The following GRAMD2A variants were observed in gnomAD, a reference collection of about 807,000 sequenced individuals.
GRAMD2A encodes the protein GRAM domain containing 2A.
GRAMD2A carries 37 observed loss-of-function variants against 51.1 expected under a neutral mutation model. The ratio of observed to expected loss-of-function variants is 0.72; its 90% confidence interval spans 0.56 to 0.95. GRAMD2A has a LOEUF of 0.95. Among genes scored for constraint, GRAMD2A ranks in the 40% least tolerant of loss-of-function variants. GRAMD2A has a pLI of 0.00. For missense variants in GRAMD2A, 414 were observed against 426.9 expected (o/e 0.97, Z 0.27); for synonymous variants, 136 against 157.1 (o/e 0.87, Z 1.01).
intron 1 of GRAMD2A, among the ~76,000 whole-genome samples, chr15:72,183,351 C>T (rs903493580): frequency 7.2e-5 from 11 of 151,836 alleles, no homozygotes; most frequent in Non-Finnish European, 2.9e-5. Flanking sequence ...CCCATCTCTA[C>T]TAAAAATACA....
rs572518320 is a variant in GRAMD2A at position 72,165,262 on chromosome 15, T to G, written c.600+92A>C. ...TGACTCTTGAGCCTGGTGCCCCAGT[T>G]CTGCATTGTGGGCCCCCCTAGGAGG... On this transcript the variant is annotated intron_variant, in intron 8 of 11. Transcript: ENST00000309731. The G allele has an allele frequency of 8.7e-5, 100 of 1,143,342 alleles. 1 individual carries two copies. In the East Asian group the frequency reaches 2.1e-3, roughly 24 times the overall value. 70.8% of individuals were successfully genotyped at this position (1,143,342 alleles called of 1,614,324 possible).
At chr15:72,177,999 A>C (rs1262776778) in intron 1 of GRAMD2A, among the ~76,000 whole-genome samples, 2 of 152,210 alleles carry the variant, frequency 1.3e-5, no homozygotes, top group Non-Finnish European at 2.9e-5. Context: ...AAGTGCTGGG[A>C]TTATAGGCGT....
At chr15:72,182,210 CA>C (rs1361989597) in intron 1 of GRAMD2A, among the ~76,000 whole-genome samples, 1 of 151,622 alleles carries the variant, frequency 6.6e-6, no homozygotes, top group Non-Finnish European at 1.5e-5. Context: ...ACTAAAAATA[CA>C]AAAATCAGCT....
chr15:72,175,882 GC>G (rs2081648943), intron 1 of GRAMD2A: 3 of 152,576 alleles, frequency 2.0e-5, no homozygotes, highest in Admixed American at 1.3e-4. Flanking sequence ...AAAGGGAGAA[GC>G]AGAGGAAAAA....
At chr15:72,190,595 G>A (rs1288093634) in intron 1 of GRAMD2A, among the ~76,000 whole-genome samples, 1 of 152,060 alleles carries the variant, frequency 6.6e-6, no homozygotes, top group African/African-American at 2.4e-5. Flanking sequence ...TTTTCACATG[G>A]GGACACTTGG....
At position 72,161,767 on chromosome 15, in the gene GRAMD2A, C is replaced by CA. The variant is rs1424394679; in HGVS notation, c.*241dup. The CA allele has an allele frequency of 1.7e-5, 9 of 523,620 alleles. No homozygotes were observed. The highest frequency in any genetic ancestry group is 3.1e-5 in the Non-Finnish European group (9 of 287,798). 32.4% of individuals were successfully genotyped at this position (523,620 alleles called of 1,614,324 possible). ...GTGTACAGAATTCCTCAGTTGGTTC[C>CA]AAAAAATCTGGCTTTTTGCTTGAGT... On this transcript the variant is annotated 3_prime_UTR_variant, in exon 12 of 12. Transcript: ENST00000309731.
In GRAMD2A at chr15:72,172,985, G is replaced by A. The variant is rs1397240352; in HGVS notation, c.42-3046C>T. Reference sequence around the variant, plus strand: ...CGTGGGCCTGGCAGTGAATCCATGGGGCCGCCAGGGAAAAATTCTGTGGGC... The same window carrying A: ...CGTGGGCCTGGCAGTGAATCCATGGAGCCGCCAGGGAAAAATTCTGTGGGC... On this transcript the variant is annotated intron_variant, in intron 1 of 11. Coordinates refer to ENST00000309731, the MANE Select transcript of GRAMD2A (RefSeq NM_001012642.3). Among the ~76,000 whole-genome samples the A allele has an allele frequency of 2.0e-5, 3 of 152,136 alleles. No homozygotes were observed. The East Asian group carries it at 5.8e-4, about 29-fold the overall frequency.
intron 1 of GRAMD2A, among the ~76,000 whole-genome samples, chr15:72,173,073 T>C (rs28620410): frequency 3.7e-4 from 57 of 152,142 alleles, no homozygotes; most frequent in African/African-American, 1.3e-3. Flanking sequence ...GGGATGACAA[T>C]GGGAAGGAGC....
chr15:72,186,819 T>C (rs2081737278), intron 1 of GRAMD2A, among the ~76,000 whole-genome samples: 1 of 151,964 alleles, frequency 6.6e-6, no homozygotes. Context: ...TATGTGCTAA[T>C]ATGGAAAAAA....
At position 72,170,046 on chromosome 15, in the gene GRAMD2A, G is replaced by T. The variant is rs2081593895; in HGVS notation, c.42-107C>A. The stretch of plus-strand genomic sequence containing the variant: ...TGCCTCTGGCCCCCACCCAAGACTG[G>T]CCCTGATATTGAGGGTGACACTGAA... On this transcript the variant is annotated intron_variant, in intron 1 of 11. Transcript: ENST00000309731. This position sits in a 1 kb window ranked among gnomAD's most constrained non-coding sequence, Gnocchi z 4.5. The T allele has an allele frequency of 1.2e-6, 1 of 816,204 alleles. No individual in the cohort carries two copies. The highest frequency in any genetic ancestry group is 2.2e-6 in the Non-Finnish European group (1 of 457,212). 50.6% of individuals were successfully genotyped at this position (816,204 alleles called of 1,614,324 possible).
chr15:72,187,244 A>G (rs559712247), intron 1 of GRAMD2A, among the ~76,000 whole-genome samples: 1 of 152,116 alleles, frequency 6.6e-6, no homozygotes, highest in African/African-American at 2.4e-5. Flanking sequence ...TTAAGGGTAT[A>G]TATCAATCAT....
chr15:72,178,004 A>G (rs776012388), intron 1 of GRAMD2A, among the ~76,000 whole-genome samples: 31 of 152,206 alleles, frequency 2.0e-4, no homozygotes, highest in Admixed American at 6.5e-4. Flanking sequence ...CTGGGATTAT[A>G]GGCGTGAGCC....
intron 1 of GRAMD2A, among the ~76,000 whole-genome samples, chr15:72,193,613 C>T (rs1175534693): frequency 6.6e-6 from 1 of 152,038 alleles, no homozygotes; most frequent in African/African-American, 2.4e-5. Flanking sequence ...AGCTCCGCCT[C>T]CCAGGTTCAC....
intron 1 of GRAMD2A, among the ~76,000 whole-genome samples, chr15:72,179,017 G>A (rs1310412877): frequency 2.6e-5 from 4 of 152,214 alleles, no homozygotes; most frequent in African/African-American, 4.8e-5. Flanking sequence ...GTGTAAGGGG[G>A]TGAGGCTTAG....
At chr15:72,196,290 T>C (rs1374929362) in intron 1 of GRAMD2A, among the ~76,000 whole-genome samples, 1 of 151,918 alleles carries the variant, frequency 6.6e-6, no homozygotes, top group Non-Finnish European at 1.5e-5. Context: ...CTGAGGTGGG[T>C]GGATCACCTG....
At position 72,163,754 on chromosome 15, in the gene GRAMD2A, C is replaced by A; in HGVS notation, c.604G>T (p.Val202Phe). The A allele has an allele frequency of 5.6e-6, 9 of 1,609,692 alleles. No individual in the cohort carries two copies. The highest frequency in any genetic ancestry group is 7.6e-6 in the Non-Finnish European group (9 of 1,178,888). Residue 202 changes from valine to phenylalanine, a missense_variant, in exon 9 of 12, where the codon GTC (valine) becomes TTC (phenylalanine). By Grantham distance (50) the Val-to-Phe change is conservative. Coordinates refer to ENST00000309731, the MANE Select transcript of GRAMD2A (RefSeq NM_001012642.3). ...CTCCACTTCATCTCAGGGATGAGGACTTCCTGCAGTAAGACAGGAGAAGCT... is the reference window on the plus strand; with the variant it reads ...CTCCACTTCATCTCAGGGATGAGGAATTCCTGCAGTAAGACAGGAGAAGCT... Reference protein sequence around the residue: ...EFSGEPESLEVLIPEMKWRKV... With the variant: ...EFSGEPESLEFLIPEMKWRKV...
chr15:72,183,260 G>A (rs1165850591), intron 1 of GRAMD2A, among the ~76,000 whole-genome samples: 4 of 151,488 alleles, frequency 2.6e-5, no homozygotes, highest in African/African-American at 9.7e-5. Context: ...GCTCACGCCT[G>A]TAATCCCAGC....
At chr15:72,180,684 G>A (rs564717974) in intron 1 of GRAMD2A, among the ~76,000 whole-genome samples, 54 of 152,340 alleles carry the variant, frequency 3.5e-4, no homozygotes, top group African/African-American at 1.2e-3. Context: ...AGGGTCTTGG[G>A]GTCCTGAAAG....
chr15:72,169,709 G>T, intron 2 of GRAMD2A, 138 bp downstream of exon 2: 1 of 723,392 alleles, frequency 1.4e-6, no homozygotes, highest in Admixed American at 2.0e-5. Flanking sequence ...AAGAAGCCTG[G>T]GGCAGCCTGT....
Sources: allele counts gnomAD v4.1 joint callset (sites outside exome capture counted in the v4.1 genomes callset), GRCh38; gene constraint gnomAD v4.1.1; non-coding constraint Gnocchi (gnomAD v3.1); transcripts MANE v1.5; gene names NCBI Gene and HGNC (gene_info 2026-07-23, HGNC 2026-07-21).